Variants in HFM1 observed in about 807,000 individuals in gnomAD.
The protein encoded by HFM1 is helicase for meiosis 1.
Under a neutral mutation model 192.1 loss-of-function variants are expected in HFM1, and 169 were observed. The ratio of observed to expected loss-of-function variants is 0.88; its 90% CI spans 0.78 to 1.00. The LOEUF is 1.00. HFM1 is among the 50% of genes least tolerant of loss of function. The pLI is 0.00. For missense variants in HFM1, 1,661 were observed against 1,668.0 expected (o/e 1.00, Z 0.07); for synonymous variants, 525 against 537.8 (o/e 0.98, Z 0.33).
rs372751424 is a variant in HFM1, at chr1:91,379,483, C to A, written c.1007-269G>T. On this transcript the variant is annotated intron_variant, in intron 8 of 38. Transcript: ENST00000370425. The stretch of plus-strand genomic sequence containing the variant: ...ACTGATAAGCTAAAGAAAAAAAATT[C>A]TCATAATGTTTTACAAACATTACAA... 3.3e-5 allele frequency among the ~76,000 whole-genome samples: 5 copies of A among 152,212 alleles called. No homozygotes were observed. In the East Asian group the frequency reaches 7.7e-4, roughly 23 times the overall value.
chr1:91,313,990 C>CT lies in HFM1; in HGVS notation c.3210dup (p.Asp1071ArgfsTer3). 5 of 1,607,240 alleles carry CT rather than the reference C, an allele frequency of 3.1e-6. No individual in the cohort carries two copies. Among genetic ancestry groups the CT allele is most frequent in the Non-Finnish European group, 4.3e-6 (5 of 1,175,124 alleles). ...GAACTTATTAGATTTATGCTAAGAT[C>CT]TTCAGATTTAAGAGCTCTTTTCACA... On this transcript the variant is annotated frameshift_variant, in exon 29 of 39. Transcript: ENST00000370425. LOFTEE classifies it high-confidence loss of function.
chr1:91,272,629 T>C (rs1055885286), intron 34 of HFM1, among the ~76,000 whole-genome samples: 1 of 152,046 alleles, frequency 6.6e-6, no homozygotes, highest in Non-Finnish European at 1.5e-5. Context: ...TGAACAAAGA[T>C]AAATATAAGA....
chr1:91,396,287 A>C lies in HFM1; in HGVS notation c.184+6T>G. Reference sequence around the variant, plus strand: ...TTGGCTTCAAAACAAATATGTGATAATTTACCTAACAGTTTATGACTTTCT... The same window carrying C: ...TTGGCTTCAAAACAAATATGTGATACTTTACCTAACAGTTTATGACTTTCT... On this transcript the variant is annotated splice_donor_region_variant and intron_variant, in intron 3 of 38. Coordinates refer to ENST00000370425, the MANE Select transcript of HFM1 (RefSeq NM_001017975.6). 7.2e-7 allele frequency: 1 copy of C among 1,389,524 alleles called. No individual in the cohort carries two copies. Among genetic ancestry groups the C allele is most frequent in the Non-Finnish European group, 1.0e-6 (1 of 989,616 alleles). The allele number at this position is 1,389,524 out of a possible 1,614,324, so 86.1% of individuals were successfully genotyped here. A position where few individuals can be genotyped will look rare whatever the true frequency, so the allele number is the denominator to read the frequency against.
intron 9 of HFM1, among the ~76,000 whole-genome samples, 180 bp downstream of exon 9, chr1:91,378,883 T>C (rs1033214329): frequency 2.6e-5 from 4 of 152,164 alleles, no homozygotes; most frequent in African/African-American, 7.2e-5. Flanking sequence ...ATTTGTCTTT[T>C]ACTTACTGAT....
intron 20 of HFM1, among the ~76,000 whole-genome samples, chr1:91,341,813 T>TTA (rs1305195104): frequency 6.6e-6 from 1 of 151,272 alleles, no homozygotes; most frequent in African/African-American, 2.4e-5. Flanking sequence ...ATGAACACCT[T>TTA]TATACACACA....
chr1:91,324,839 A>G, intron 20 of HFM1, 73 bp from the exon 21 acceptor site: 1 of 815,436 alleles, frequency 1.2e-6, no homozygotes, highest in Non-Finnish European at 2.1e-6. Flanking sequence ...TTTAACAAAC[A>G]TTTCCTGAGG....
At chr1:91,284,938 A>G (rs945230484) in intron 30 of HFM1, among the ~76,000 whole-genome samples, 2 of 152,134 alleles carry the variant, frequency 1.3e-5, no homozygotes, top group Admixed American at 6.5e-5. Context: ...CATAATTTCC[A>G]CATGTTGTGG....
At chr1:91,278,972 T>C (rs938313561) in intron 30 of HFM1, among the ~76,000 whole-genome samples, 1 of 152,090 alleles carries the variant, frequency 6.6e-6, no homozygotes, top group Non-Finnish European at 1.5e-5. Flanking sequence ...CCCCCTCTTC[T>C]GGCTAACACA....
chr1:91,406,121 T>C (rs1664796228), upstream of HFM1, among the ~76,000 whole-genome samples: 1 of 152,230 alleles, frequency 6.6e-6, no homozygotes, highest in East Asian at 1.9e-4. Flanking sequence ...GTTAGCTCGC[T>C]CTTTTCCTAC....
chr1:91,372,456 A>T (rs1388936837), intron 13 of HFM1, among the ~76,000 whole-genome samples: 1 of 152,222 alleles, frequency 6.6e-6, no homozygotes, highest in Non-Finnish European at 1.5e-5. Context: ...ATGAACCTGG[A>T]AACTATCATT....
rs190134059 is a variant in HFM1 at position 91,312,977 on chromosome 1, G to A, written c.3391+372C>T. 2.2e-3 allele frequency among the ~76,000 whole-genome samples: 332 copies of A among 151,986 alleles called. 3 individuals are homozygous for A. The highest frequency in any genetic ancestry group is 7.4e-3 in the African/African-American group (305 of 41,416). On this transcript the variant is annotated intron_variant, in intron 30 of 38. Transcript: ENST00000370425. Reference sequence around the variant, plus strand: ...TTTGCTTCTTCCTCATTTTTCTCTCGCCACCACCATGCAAGATGTGCCCTT... The same window carrying A: ...TTTGCTTCTTCCTCATTTTTCTCTCACCACCACCATGCAAGATGTGCCCTT...
In HFM1 at chr1:91,314,062, T is replaced by G; in HGVS notation, c.3141-2A>C. The G allele has an allele frequency of 1.3e-6, 2 of 1,567,554 alleles. No individual in the cohort carries two copies. Among genetic ancestry groups the G allele is most frequent in the Non-Finnish European group, 1.8e-6 (2 of 1,140,014 alleles). ...CCAGCTTTTAGCAAAACAGAATCCC[T>G]GAAAAATAGTATAGTTTAAATAGTG... On this transcript the variant is annotated splice_acceptor_variant, in intron 28 of 38. Coordinates refer to ENST00000370425, the MANE Select transcript of HFM1 (RefSeq NM_001017975.6). LOFTEE classifies it high-confidence loss of function.
chr1:91,342,158 C>A (rs1429559298), intron 20 of HFM1, among the ~76,000 whole-genome samples: 1 of 124,932 alleles, frequency 8.0e-6, no homozygotes, highest in African/African-American at 2.9e-5. Context: ...AAAATTCAGG[C>A]GAATATTCCT....
chr1:91,345,151 C>A lies in HFM1; in HGVS notation c.2255-1641G>T, dbSNP rs72970321. ...TTACCTTTTCTAAAAACAAGGAAAA[C>A]AACAACATCATAGAATCATTTTGTC... On this transcript the variant is annotated intron_variant, in intron 19 of 38. Coordinates refer to ENST00000370425, the MANE Select transcript of HFM1 (RefSeq NM_001017975.6). Among the ~76,000 whole-genome samples, 384 of 152,258 alleles carry A rather than the reference C, an allele frequency of 2.5e-3. 3 individuals carry two copies. The highest frequency in any genetic ancestry group is 8.6e-3 in the African/African-American group (357 of 41,544).
At chr1:91,360,220 G>A (rs1557443661) in intron 13 of HFM1, among the ~76,000 whole-genome samples, 1 of 152,118 alleles carries the variant, frequency 6.6e-6, no homozygotes, top group Admixed American at 6.5e-5. Flanking sequence ...TTGTAAATGG[G>A]CTAAATGCCC....
rs982976624 is a variant in HFM1, at chr1:91,352,787, C to G, written c.1832-136G>C. On this transcript the variant is annotated intron_variant, in intron 15 of 38. Coordinates refer to ENST00000370425, the MANE Select transcript of HFM1 (RefSeq NM_001017975.6). ...ATTTAGAAAAGAAAAAAGAGCATTACAATCTAAAATAGTAACACACCTTAA... is the reference window on the plus strand; with the variant it reads ...ATTTAGAAAAGAAAAAAGAGCATTAGAATCTAAAATAGTAACACACCTTAA... 5 of 692,606 alleles carry G rather than the reference C, an allele frequency of 7.2e-6. No homozygotes were observed. The African/African-American group carries it at 9.3e-5, about 13-fold the overall frequency. The allele number at this position is 692,606 out of a possible 1,614,324, so 42.9% of individuals were successfully genotyped here. A position where few individuals can be genotyped will look rare whatever the true frequency, so the allele number is the denominator to read the frequency against.
At chr1:91,279,071 A>G (rs1667221579) in intron 30 of HFM1, among the ~76,000 whole-genome samples, 1 of 152,164 alleles carries the variant, frequency 6.6e-6, no homozygotes, top group Non-Finnish European at 1.5e-5. Context: ...CATCCAATCT[A>G]GAACTGATCT....
chr1:91,331,128 A>C (rs1168539551), intron 20 of HFM1, among the ~76,000 whole-genome samples: 2 of 152,238 alleles, frequency 1.3e-5, no homozygotes, highest in Non-Finnish European at 2.9e-5. Flanking sequence ...TCCTAGCTAG[A>C]GCAATCAGAT....
chr1:91,396,950 A>G (rs1557532935), intron 2 of HFM1, among the ~76,000 whole-genome samples: 1 of 152,166 alleles, frequency 6.6e-6, no homozygotes, highest in South Asian at 2.1e-4. Context: ...CAGATCAGCA[A>G]CGACATTAGA....
Sources: allele counts gnomAD v4.1 joint callset (sites outside exome capture counted in the v4.1 genomes callset), GRCh38; gene constraint gnomAD v4.1.1; transcripts MANE v1.5; gene names NCBI Gene and HGNC (gene_info 2026-07-23, HGNC 2026-07-21).